Variants in ADCY3 observed in about 807,000 individuals in gnomAD.
ADCY3 encodes the protein adenylate cyclase type 3.
Under a neutral mutation model 119.4 loss-of-function variants are expected in ADCY3, and 70 were observed. That is an observed-to-expected ratio of 0.59 (90% CI 0.48 to 0.72). The LOEUF is 0.72. Among genes scored for constraint, ADCY3 ranks in the 30% least tolerant of loss-of-function variants. The probability of loss-of-function intolerance (pLI) is 0.00; values close to 1 mark genes in which losing one functional copy is unlikely to be tolerated. For synonymous variants in ADCY3, 672 were observed against 621.4 expected, an observed-to-expected ratio of 1.08 and a Z score of -1.21; for missense variants, 1,238 against 1,541.6, an observed-to-expected ratio of 0.80 and a Z score of 3.30.
intron 3 of ADCY3, among the ~76,000 whole-genome samples, chr2:24,853,005 GGTGTGTGTGTGTGTGT>G (rs58904311): frequency 0.021 from 1,977 of 95,296 alleles, 26 homozygotes; most frequent in Middle Eastern, 0.038. Context: ...ACAGCTGGAG[GGTGTGTGTGTGTGTGT>G]GTGTGTGTGT....
At chr2:24,859,270 C>G (rs537408102) in intron 3 of ADCY3, among the ~76,000 whole-genome samples, 2 of 152,156 alleles carry the variant, frequency 1.3e-5, no homozygotes, top group African/African-American at 2.4e-5. Context: ...CACGGTGCAA[C>G]GAGCAAGACG....
chr2:24,909,206 G>T (rs1266196357), intron 2 of ADCY3, among the ~76,000 whole-genome samples: 1 of 152,126 alleles, frequency 6.6e-6, no homozygotes, highest in Non-Finnish European at 1.5e-5. Context: ...CCCTCATGGT[G>T]CCACGCCTGG....
intron 2 of ADCY3, among the ~76,000 whole-genome samples, chr2:24,896,047 T>C (rs1678232208): frequency 6.6e-6 from 1 of 152,192 alleles, no homozygotes; most frequent in African/African-American, 2.4e-5. Flanking sequence ...CCCATCATCC[T>C]GATGTGTTCA....
intron 3 of ADCY3, among the ~76,000 whole-genome samples, chr2:24,849,342 T>C (rs1005910632): frequency 2.6e-5 from 4 of 152,144 alleles, no homozygotes; most frequent in African/African-American, 9.7e-5. Context: ...TCTCGGAGAC[T>C]GTCTACCAAT....
At chr2:24,909,001 T>G (rs1663243912) in intron 2 of ADCY3, among the ~76,000 whole-genome samples, 1 of 152,200 alleles carries the variant, frequency 6.6e-6, no homozygotes, top group South Asian at 2.1e-4. Flanking sequence ...CAGTTTTAGG[T>G]GCCACTTAAA....
intron 2 of ADCY3, among the ~76,000 whole-genome samples, chr2:24,886,503 A>C (rs1280676043): frequency 6.6e-6 from 1 of 152,050 alleles, no homozygotes; most frequent in East Asian, 1.9e-4. Context: ...AACCTCCCTA[A>C]GATCTTCCCA....
chr2:24,866,301 A>C (rs780464364), intron 3 of ADCY3, among the ~76,000 whole-genome samples: 12 of 152,082 alleles, frequency 7.9e-5, no homozygotes, highest in Non-Finnish European at 1.6e-4. Flanking sequence ...TCCCATCCAC[A>C]ATATCTAGTA....
At chr2:24,838,293 G>T in intron 8 of ADCY3, 152 bp downstream of exon 8, 1 of 760,690 alleles carries the variant, frequency 1.3e-6, no homozygotes, top group Non-Finnish European at 2.1e-6. Context: ...GCTCTCCCTT[G>T]GGAAGGGTGC....
chr2:24,860,011 C>T (rs1053777572), intron 3 of ADCY3, among the ~76,000 whole-genome samples: 2 of 152,212 alleles, frequency 1.3e-5, no homozygotes, highest in Non-Finnish European at 2.9e-5. Flanking sequence ...GAGGGAGGAC[C>T]AGGCACAGGG....
chr2:24,828,255 C>T (rs1668906167), intron 13 of ADCY3, 94 bp from the exon 14 acceptor site: 1 of 1,458,770 alleles, frequency 6.9e-7, no homozygotes, highest in Non-Finnish European at 9.2e-7. Context: ...GCTCAGCTGC[C>T]ACCTCCCGCG....
intron 2 of ADCY3, among the ~76,000 whole-genome samples, chr2:24,912,353 T>C (rs1663816027): frequency 6.7e-6 from 1 of 150,110 alleles, no homozygotes; most frequent in African/African-American, 2.4e-5. Flanking sequence ...ACAAAAAGAA[T>C]GTGTAATTTG....
rs1347245504 is a variant in ADCY3, at chr2:24,842,433, G to A, written c.826-49C>T. 2.5e-6 allele frequency: 4 copies of A among 1,610,926 alleles called. No individual in the cohort carries two copies. Among genetic ancestry groups the A allele is most frequent in the Non-Finnish European group, 3.4e-6 (4 of 1,178,378 alleles). ...GAGGCAAAGGTAGGCCCTGCTAGAG[G>A]CAAGTTCAGATACTTCTGGGAAGAA... On this transcript the variant is annotated intron_variant, in intron 3 of 21. Coordinates refer to ENST00000679454, the MANE Select transcript of ADCY3 (RefSeq NM_004036.5). The surrounding 1 kb of genome is among the most constrained non-coding windows in gnomAD (Gnocchi z 4.9).
intron 17 of ADCY3, among the ~76,000 whole-genome samples, chr2:24,823,808 C>CA (rs1170198482): frequency 6.6e-6 from 1 of 151,674 alleles, no homozygotes; most frequent in African/African-American, 2.4e-5. Flanking sequence ...TCTCCTGTCT[C>CA]AGTTTCCCGA....
intron 15 of ADCY3, chr2:24,826,775 G>A (rs1490166390): frequency 1.3e-5 from 2 of 152,318 alleles, no homozygotes; most frequent in African/African-American, 4.8e-5. Flanking sequence ...ATATACACAC[G>A]TCTGCGTGGG....
chr2:24,879,431 C>T (rs1333756906), intron 2 of ADCY3, among the ~76,000 whole-genome samples: 7 of 123,142 alleles, frequency 5.7e-5, no homozygotes, highest in African/African-American at 1.3e-4. Flanking sequence ...GCAGCCTGGG[C>T]GACAGAGCGA....
chr2:24,900,703 T>C (rs1678806933), intron 2 of ADCY3, among the ~76,000 whole-genome samples: 1 of 152,120 alleles, frequency 6.6e-6, no homozygotes, highest in Non-Finnish European at 1.5e-5. Flanking sequence ...GAGAGCAACA[T>C]AGCTGAATTC....
rs528513533 is a variant in ADCY3, at chr2:24,909,490, G to A, written c.675+8823C>T. Among the ~76,000 whole-genome samples, 633 of 152,278 alleles carry A rather than the reference G, an allele frequency of 4.2e-3. 7 individuals carry two copies. Among genetic ancestry groups the A allele is most frequent in the Non-Finnish European group, 6.2e-3 (420 of 68,028 alleles). ...ACAGGGGCCGTTGCATGCTTGAGAA[G>A]GTAAGAGAATGACTTCTCACCCAAA... is the stretch of plus-strand genomic sequence containing the variant. On this transcript the variant is annotated intron_variant, in intron 2 of 21. Transcript: ENST00000679454.
At chr2:24,874,724 G>A (rs1181521155) in intron 2 of ADCY3, among the ~76,000 whole-genome samples, 1 of 152,202 alleles carries the variant, frequency 6.6e-6, no homozygotes, top group African/African-American at 2.4e-5. Context: ...TGAAACTGGA[G>A]CTCAGAGTAG....
At chr2:24,910,260 T>C (rs1241479605) in intron 2 of ADCY3, among the ~76,000 whole-genome samples, 1 of 152,192 alleles carries the variant, frequency 6.6e-6, no homozygotes. Context: ...TGGAGTGCAG[T>C]GTCACGATCA....
Sources: gnomAD v4.1 joint callset for allele counts (sites outside exome capture counted in the v4.1 genomes callset) on GRCh38, gnomAD v4.1.1 for gene constraint, Gnocchi (gnomAD v3.1) non-coding constraint, MANE v1.5 for transcripts, NCBI Gene and HGNC (gene_info 2026-07-23, HGNC 2026-07-21) for gene names.